Variants in DDR1 observed in about 807,000 individuals in gnomAD.
DDR1 encodes discoidin domain receptor tyrosine kinase 1.
Under a neutral mutation model 97.4 loss-of-function variants are expected in DDR1, and 64 were observed. The ratio of observed to expected loss-of-function variants is 0.66; its 90% CI spans 0.54 to 0.81. The LOEUF is 0.81. Among genes scored for constraint, DDR1 ranks in the 30% least tolerant of loss-of-function variants. The pLI is 0.00. For synonymous variants in DDR1, 458 were observed against 503.7 expected, an observed-to-expected ratio of 0.91 and a Z score of 1.21; for missense variants, 990 against 1,259.6, an observed-to-expected ratio of 0.79 and a Z score of 3.24.
intron 12 of DDR1, 151 bp from the exon 13 acceptor site, chr6:30,896,470 G>A: frequency 1.0e-6 from 1 of 972,294 alleles, no homozygotes; most frequent in East Asian, 2.6e-5. Context: ...TTTGAGGTTG[G>A]CGCATGGAAT....
chr6:30,886,515 C>T lies in DDR1; in HGVS notation c.-43+1805C>T, dbSNP rs1785928213. ...TCTCAGCTGCCTCTTACATTCCTGC[C>T]CTAGTGCATTGTGGGAGCAGCTGGA... On this transcript the variant is annotated intron_variant, in intron 1 of 17. Transcript: ENST00000376568. The surrounding 1 kb of genome is among the most constrained non-coding windows in gnomAD (Gnocchi z 4.6). 6.5e-6 allele frequency: 1 copy of T among 152,798 alleles called. No individual in the cohort carries two copies. Among genetic ancestry groups the T allele is most frequent in the Non-Finnish European group, 1.5e-5 (1 of 68,446 alleles). The allele number at this position is 152,798 out of a possible 1,614,324, so 9.5% of individuals were successfully genotyped here. A position where few individuals can be genotyped will look rare whatever the true frequency, so the allele number is the denominator to read the frequency against.
Position 30,891,048 on chromosome 6 carries a change from C to T in DDR1, c.493C>T (p.Arg165Cys). 3 of 1,613,010 alleles carry T rather than the reference C, an allele frequency of 1.9e-6. No individual in the cohort carries two copies. Among genetic ancestry groups the T allele is most frequent in the Non-Finnish European group, 2.5e-6 (3 of 1,180,000 alleles). ...LGPPMVARLV[R>C]FYPRADRVMS... is the part of the protein sequence containing the mutation. Reference sequence around the variant, plus strand: ...GCCCCCCATGGTTGCCCGACTGGTTCGCTTCTACCCCCGGGCTGACCGGGT... The same window carrying T: ...GCCCCCCATGGTTGCCCGACTGGTTTGCTTCTACCCCCGGGCTGACCGGGT... Residue 165 changes from arginine (R) to cysteine (C), a missense_variant, in exon 5 of 18, where the codon CGC (arginine) becomes TGC (cysteine). Physicochemically the swap from Arg to Cys is radical, Grantham distance 180. Transcript: ENST00000376568. This position sits in a 1 kb window ranked among gnomAD's most constrained non-coding sequence, Gnocchi z 5.3.
At chr6:30,896,364 A>G (rs1790748369) in intron 12 of DDR1, among the ~76,000 whole-genome samples, 1 of 151,990 alleles carries the variant, frequency 6.6e-6, no homozygotes, top group Admixed American at 6.6e-5. Flanking sequence ...GAGGCCCTAA[A>G]AGAGTAAGAC....
Position 30,897,090 on chromosome 6 carries a change from C to T in DDR1, c.1946C>T (p.Pro649Leu). 1 of 1,613,942 alleles carries T rather than the reference C, an allele frequency of 6.2e-7. No individual in the cohort carries two copies. The highest frequency in any genetic ancestry group is 1.1e-5 in the South Asian group (1 of 91,040). ...DFPLNVRKGHPLLVAVKILRP... is the reference protein window; with the variant it reads ...DFPLNVRKGHLLLVAVKILRP... ...CCCCTTAATGTGCGTAAGGGACACC[C>T]TTTGCTGGTAGCTGTCAAGATCTTA... Residue 649 changes from proline (P) to leucine (L), a missense_variant, in exon 14 of 18, where the codon CCT becomes CTT. Physicochemically the swap from Pro to Leu is moderately conservative, Grantham distance 98. Coordinates refer to ENST00000376568, the MANE Select transcript of DDR1 (RefSeq NM_001297654.2). The surrounding 1 kb of genome is among the most constrained non-coding windows in gnomAD (Gnocchi z 5.2).
In DDR1 at chr6:30,894,942, C is replaced by T. The variant is rs1034631588; in HGVS notation, c.1513+271C>T. Among the ~76,000 whole-genome samples, 2 of 152,078 alleles carry T rather than the reference C, an allele frequency of 1.3e-5. No homozygotes were observed. The highest frequency in any genetic ancestry group is 2.9e-5 in the Non-Finnish European group (2 of 68,020). Reference sequence around the variant, plus strand: ...TTGTTGTACCCTCTCATTGTGTCTCCCTGGCCCCTTTGCTTTGTATTAGAC... The same window carrying T: ...TTGTTGTACCCTCTCATTGTGTCTCTCTGGCCCCTTTGCTTTGTATTAGAC... On this transcript the variant is annotated intron_variant, in intron 11 of 17. Transcript: ENST00000376568. This position sits in a 1 kb window ranked among gnomAD's most constrained non-coding sequence, Gnocchi z 5.7.
chr6:30,888,680 C>G lies in DDR1; in HGVS notation c.-42-8C>G, dbSNP rs1447872284. The stretch of plus-strand genomic sequence containing the variant: ...TAACTTACGCACCACCCATTTTATC[C>G]CCTGCAGAGATGCTGCCCCCACCCC... On this transcript the variant is annotated splice_region_variant and splice_polypyrimidine_tract_variant and intron_variant, in intron 1 of 17. Transcript: ENST00000376568. The surrounding 1 kb of genome is among the most constrained non-coding windows in gnomAD (Gnocchi z 4.2). 1 of 1,607,782 alleles carries G rather than the reference C, an allele frequency of 6.2e-7. No homozygotes were observed.
intron 12 of DDR1, among the ~76,000 whole-genome samples, chr6:30,896,362 A>G (rs940587072): frequency 6.6e-6 from 1 of 152,030 alleles, no homozygotes; most frequent in Non-Finnish European, 1.5e-5. Flanking sequence ...GGGAGGCCCT[A>G]AAAGAGTAAG....
At position 30,899,579 on chromosome 6, in the gene DDR1, C is replaced by A; in HGVS notation, c.*283C>A. On this transcript the variant is annotated 3_prime_UTR_variant, in exon 18 of 18. Coordinates refer to ENST00000376568, the MANE Select transcript of DDR1 (RefSeq NM_001297654.2). ...TGGGATCCTCTCCACCCTCCTCTAG[C>A]CATCCCTTGGGGAAGGGTGGGGAGA... 1 of 521,140 alleles carries A rather than the reference C, an allele frequency of 1.9e-6. No homozygotes were observed. The highest frequency in any genetic ancestry group is 3.4e-6 in the Non-Finnish European group (1 of 294,662). 32.3% of individuals were successfully genotyped at this position (521,140 alleles called of 1,614,324 possible).
At chr6:30,895,839 C>T (rs887222345) in intron 12 of DDR1, among the ~76,000 whole-genome samples, 1 of 152,160 alleles carries the variant, frequency 6.6e-6, no homozygotes, top group African/African-American at 2.4e-5. Context: ...CTCCTTTATT[C>T]TCCACTCTCT....
rs1204897362 is a variant in DDR1 at position 30,892,037 on chromosome 6, G to A, written c.701G>A (p.Gly234Asp). The A allele has an allele frequency of 6.2e-7, 1 of 1,614,106 alleles. No individual in the cohort carries two copies. Among genetic ancestry groups the A allele is most frequent in the Non-Finnish European group, 8.5e-7 (1 of 1,179,980 alleles). ...QYGGLGQLADGVVGLDDFRKS... is the reference protein window; with the variant it reads ...QYGGLGQLADDVVGLDDFRKS... The stretch of plus-strand genomic sequence containing the variant: ...GGGGGTCTGGGCCAGCTGGCAGATG[G>A]TGTGGTGGGGCTGGATGACTTTAGG... The change falls in exon 7 of 18, where the codon GGT becomes GAT. Residue 234 changes from glycine to aspartate, a missense_variant. Physicochemically the swap from Gly to Asp is moderately conservative, Grantham distance 94. Transcript: ENST00000376568.
Position 30,888,526 on chromosome 6 carries a change from G to T in DDR1, c.-42-162G>T, listed in dbSNP as rs886373527. On this transcript the variant is annotated intron_variant, in intron 1 of 17. Coordinates refer to ENST00000376568, the MANE Select transcript of DDR1 (RefSeq NM_001297654.2). The surrounding 1 kb of genome is among the most constrained non-coding windows in gnomAD (Gnocchi z 4.2). The stretch of plus-strand genomic sequence containing the variant: ...GTTTAAGGGTTTAGGCCAGTGTCTG[G>T]CACAGGGGAAGCATTCTAAAAATAT... 1.3e-6 allele frequency: 1 copy of T among 786,920 alleles called. No individual in the cohort carries two copies. Among genetic ancestry groups the T allele is most frequent in the Non-Finnish European group, 2.0e-6 (1 of 504,094 alleles). The allele number at this position is 786,920 out of a possible 1,614,324, so 48.7% of individuals were successfully genotyped here.
At position 30,899,485 on chromosome 6, in the gene DDR1, C is replaced by T. The variant is rs537790724; in HGVS notation, c.*189C>T. On this transcript the variant is annotated 3_prime_UTR_variant, in exon 18 of 18. Transcript: ENST00000376568. ...ATGCCCCTTCTCCCCTTCCTGGACA[C>T]ACTCTCATGTCCCCTTCCTGTTCTT... 14 of 662,824 alleles carry T rather than the reference C, an allele frequency of 2.1e-5. No homozygotes were observed. The East Asian group carries it at 2.5e-4, about 12-fold the overall frequency. 41.1% of individuals were successfully genotyped at this position (662,824 alleles called of 1,614,324 possible).
In DDR1 at chr6:30,889,921, C is replaced by G. The variant is rs1787406464; in HGVS notation, c.417+491C>G. Among the ~76,000 whole-genome samples the G allele has an allele frequency of 6.6e-6, 1 of 152,114 alleles. No homozygotes were observed. Among genetic ancestry groups the G allele is most frequent in the Non-Finnish European group, 1.5e-5 (1 of 68,024 alleles). On this transcript the variant is annotated intron_variant, in intron 4 of 17. Coordinates refer to ENST00000376568, the MANE Select transcript of DDR1 (RefSeq NM_001297654.2). This position sits in a 1 kb window ranked among gnomAD's most constrained non-coding sequence, Gnocchi z 4.9. ...CTTGATTCCTTTTTTTCTCTCACCT[C>G]CTTCCAAAGCATCAGCAGCCCCGTC... is the stretch of plus-strand genomic sequence containing the variant.
chr6:30,891,272 A>C lies in DDR1; in HGVS notation c.566-108A>C. 1 of 1,400,500 alleles carries C rather than the reference A, an allele frequency of 7.1e-7. No homozygotes were observed. The highest frequency in any genetic ancestry group is 9.9e-7 in the Non-Finnish European group (1 of 1,012,866). 86.8% of individuals were successfully genotyped at this position (1,400,500 alleles called of 1,614,324 possible). ...CAGCATTGTCTCCTCCATGCCAATG[A>C]GCCAGTGGAGAGATACAAGAAGGGA... On this transcript the variant is annotated intron_variant, in intron 5 of 17. Transcript: ENST00000376568. This position sits in a 1 kb window ranked among gnomAD's most constrained non-coding sequence, Gnocchi z 5.3.
At position 30,890,939 on chromosome 6, in the gene DDR1, C is replaced by T. The variant is rs750870524; in HGVS notation, c.418-34C>T. ...TGGGAAGTAAGATCTGACCTGGACTCCATCCCACCCACCCCCTGTTTCCTG... is the reference window on the plus strand; with the variant it reads ...TGGGAAGTAAGATCTGACCTGGACTTCATCCCACCCACCCCCTGTTTCCTG... On this transcript the variant is annotated intron_variant, in intron 4 of 17. Transcript: ENST00000376568. The surrounding 1 kb of genome is among the most constrained non-coding windows in gnomAD (Gnocchi z 5.0). 7.1e-6 allele frequency: 11 copies of T among 1,557,234 alleles called. No homozygotes were observed. Among genetic ancestry groups the T allele is most frequent in the Admixed American group, 3.8e-5 (2 of 52,850 alleles).
Position 30,896,853 on chromosome 6 carries a change from C to A in DDR1, c.1857C>A (p.Gly619=). 6.3e-7 allele frequency: 1 copy of A among 1,580,990 alleles called. No individual in the cohort carries two copies. The highest frequency in any genetic ancestry group is 8.6e-7 in the Non-Finnish European group (1 of 1,161,032). The change falls in exon 13 of 18, where the codon GGC becomes GGA. Residue 619 remains glycine, a synonymous_variant. Coordinates refer to ENST00000376568, the MANE Select transcript of DDR1 (RefSeq NM_001297654.2). ...GCTTCAAGGAGAAGCTTGGCGAGGG[C>A]CAGTTTGGGGAGGTAAGGAGGGTGC... ...RLRFKEKLGE[G]QFGEVHLCEV... is the part of the protein sequence containing the mutation.
chr6:30,896,725 C>T lies in DDR1; in HGVS notation c.1729C>T (p.Leu577=). ...TTATGCCGAGGCTGACATTGTTACC[C>T]TGCAGGGCGTCACCGGGGGCAACAC... is the stretch of plus-strand genomic sequence containing the variant. ...PHYAEADIVT[L]QGVTGGNTYA... Residue 577 remains leucine, a synonymous_variant, in exon 13 of 18, where the codon CTG becomes TTG. Coordinates refer to ENST00000376568, the MANE Select transcript of DDR1 (RefSeq NM_001297654.2). The T allele has an allele frequency of 6.2e-7, 1 of 1,601,714 alleles. No individual in the cohort carries two copies. The highest frequency in any genetic ancestry group is 8.5e-7 in the Non-Finnish European group (1 of 1,173,502).
intron 8 of DDR1, 117 bp downstream of exon 8, chr6:30,892,659 G>A (rs556429658): frequency 1.4e-5 from 20 of 1,385,456 alleles, no homozygotes; most frequent in Non-Finnish European, 1.7e-5. Context: ...ATCACCCACC[G>A]AAACTTCTCA....
chr6:30,894,742 CTCTT>C lies in DDR1; in HGVS notation c.1513+73_1513+76del. 2 of 1,457,184 alleles carry C rather than the reference CTCTT, an allele frequency of 1.4e-6. No individual in the cohort carries two copies. Among genetic ancestry groups the C allele is most frequent in the Non-Finnish European group, 1.8e-6 (2 of 1,094,082 alleles). The allele number at this position is 1,457,184 out of a possible 1,614,324, so 90.3% of individuals were successfully genotyped here. A position where few individuals can be genotyped will look rare whatever the true frequency, so the allele number is the denominator to read the frequency against. ...TTTCTTATTGTATCCCTTTCCCATT[CTCTT>C]TTTTTCCTGTCTTCCCCAGTTTCCA... On this transcript the variant is annotated intron_variant, in intron 11 of 17. Coordinates refer to ENST00000376568, the MANE Select transcript of DDR1 (RefSeq NM_001297654.2). This position sits in a 1 kb window ranked among gnomAD's most constrained non-coding sequence, Gnocchi z 5.7.
Sources: gnomAD v4.1 joint callset for allele counts (sites outside exome capture counted in the v4.1 genomes callset) on GRCh38, gnomAD v4.1.1 for gene constraint, Gnocchi (gnomAD v3.1) non-coding constraint, MANE v1.5 for transcripts, NCBI Gene and HGNC (gene_info 2026-07-23, HGNC 2026-07-21) for gene names.